PLXNA2: variants seen among roughly 807,000 people sequenced by gnomAD.
PLXNA2 encodes plexin A2, also known as plexin-A2.
In PLXNA2, 91 loss-of-function variants were observed where a neutral mutation model predicts 193.5. The observed-to-expected ratio is 0.47, with a 90% CI of 0.40 to 0.56. The LOEUF (loss-of-function observed/expected upper bound fraction) is 0.56. Ranked by LOEUF, PLXNA2 falls within the 20% of genes least tolerant of loss-of-function variation. The probability of loss-of-function intolerance (pLI) is 0.00; values close to 1 mark genes in which losing one functional copy is unlikely to be tolerated. For synonymous variants in PLXNA2, 997 were observed against 1,027.3 expected, an observed-to-expected ratio of 0.97 and a Z score of 0.56; for missense variants, 1,995 against 2,503.2, an observed-to-expected ratio of 0.80 and a Z score of 4.33.
intron 3 of PLXNA2, among the ~76,000 whole-genome samples, chr1:208,201,973 A>ATTTTTTTT (rs59313982): frequency 7.5e-6 from 1 of 132,626 alleles, no homozygotes. Context: ...CAGGGCAAGA[A>ATTTTTTTT]TTTTTTTTTT....
chr1:208,234,729 G>T (rs1038564056), intron 1 of PLXNA2, among the ~76,000 whole-genome samples: 1 of 152,164 alleles, frequency 6.6e-6, no homozygotes, highest in Non-Finnish European at 1.5e-5. Context: ...CAAAACCAAG[G>T]AAGAGAGAGA....
rs756461059 is a variant in PLXNA2 at position 208,028,099 on chromosome 1, G to T, written c.5499C>A (p.Leu1833=). Residue 1833 remains leucine (L), a synonymous_variant, in exon 31 of 32, where the codon CTC becomes CTA. Transcript: ENST00000367033. This position sits in a 1 kb window ranked among gnomAD's most constrained non-coding sequence, Gnocchi z 4.2. ...CGGCGTGCAGGCGGGACTGCTCGGC[G>T]AGGTAGGCATTCATGTCCTGGTCAC... ...AISDQDMNAY[L]AEQSRLHAVE... 6.2e-6 allele frequency: 10 copies of T among 1,613,524 alleles called. No individual in the cohort carries two copies. Among genetic ancestry groups the T allele is most frequent in the Non-Finnish European group, 8.5e-6 (10 of 1,179,742 alleles).
Position 208,103,174 on chromosome 1 carries a change from T to C in PLXNA2, c.1580A>G (p.His527Arg). 1.2e-6 allele frequency: 2 copies of C among 1,614,102 alleles called. No homozygotes were observed. Among genetic ancestry groups the C allele is most frequent in the Non-Finnish European group, 1.7e-6 (2 of 1,179,948 alleles). Residue 527 changes from histidine (H) to arginine (R), a missense_variant, in exon 5 of 32, where the codon CAC (histidine) becomes CGC (arginine). By Grantham distance (29) the His-to-Arg change is conservative. This residue lies in a region of PLXNA2 where 702 missense variants were observed against 812.9 expected (regional missense o/e 0.86). Transcript: ENST00000367033. ...CGECLSSGDP[H>R]CGWCALHNMC... The stretch of plus-strand genomic sequence containing the variant: ...GTTGTGCAGGGCACACCAGCCACAG[T>C]GAGGGTCCCCAGAGCTCAGGCACTC...
intron 1 of PLXNA2, among the ~76,000 whole-genome samples, chr1:208,231,481 C>T (rs1201143484): frequency 3.9e-5 from 6 of 152,102 alleles, no homozygotes; most frequent in African/African-American, 9.7e-5. Flanking sequence ...TGCCTGGTCA[C>T]CCGCCCTCCC....
intron 12 of PLXNA2, among the ~76,000 whole-genome samples, chr1:208,077,475 T>C (rs569095983): frequency 1.6e-4 from 24 of 152,232 alleles, no homozygotes; most frequent in African/African-American, 5.5e-4. Flanking sequence ...GGGGAGTGGA[T>C]GGTGCAGCTG....
chr1:208,185,696 C>CAAAAAAAAAAAAAAAAAAAA (rs56384277), intron 3 of PLXNA2, among the ~76,000 whole-genome samples: 109 of 57,146 alleles, frequency 1.9e-3, no homozygotes, highest in East Asian at 3.6e-3. Context: ...TCTCTGAAAG[C>CAAAAAAAAAAAAAAAAAAAA]AAAAAAAAAA....
At chr1:208,168,724 G>GTTTTTTTTTTTT (rs10668701) in intron 3 of PLXNA2, among the ~76,000 whole-genome samples, 10 of 73,194 alleles carry the variant, frequency 1.4e-4, no homozygotes, top group Non-Finnish European at 2.3e-4. Flanking sequence ...AGTATGCGGG[G>GTTTTTTTTTTTT]TTTTTTTTTT....
chr1:208,187,885 C>T (rs940569356), intron 3 of PLXNA2, among the ~76,000 whole-genome samples: 3 of 152,170 alleles, frequency 2.0e-5, no homozygotes, highest in Admixed American at 6.5e-5. Context: ...TGCTTTCACA[C>T]GTATCATCTC....
rs183912755 is a variant in PLXNA2, at chr1:208,224,696, T to C, written c.-80-6694A>G. 6.2e-4 allele frequency among the ~76,000 whole-genome samples: 94 copies of C among 151,670 alleles called. 2 individuals carry two copies. Among genetic ancestry groups the C allele is most frequent in the African/African-American group, 1.6e-3 (65 of 41,292 alleles). On this transcript the variant is annotated intron_variant, in intron 1 of 31. Transcript: ENST00000367033. Reference sequence around the variant, plus strand: ...GAAGTGGCTATACCTTGCCCCAGAGTGAAGAAGGAAGGTGAGAGGAGAGAG... The same window carrying C: ...GAAGTGGCTATACCTTGCCCCAGAGCGAAGAAGGAAGGTGAGAGGAGAGAG...
At chr1:208,097,015 A>C in intron 6 of PLXNA2, 132 bp from the exon 7 acceptor site, 1 of 730,916 alleles carries the variant, frequency 1.4e-6, no homozygotes, top group Non-Finnish European at 2.2e-6. Flanking sequence ...ATGTTGGTCT[A>C]AGTGGTCTTC....
chr1:208,049,367 A>C (rs1203049866), intron 17 of PLXNA2, among the ~76,000 whole-genome samples: 2 of 145,476 alleles, frequency 1.4e-5, no homozygotes, highest in Admixed American at 7.0e-5. Flanking sequence ...CCCATACCTC[A>C]CCCTAGACTC....
At position 208,108,590 on chromosome 1, in the gene PLXNA2, G is replaced by A. The variant is rs116333820; in HGVS notation, c.1507-5343C>T. On this transcript the variant is annotated intron_variant, in intron 4 of 31. Coordinates refer to ENST00000367033, the MANE Select transcript of PLXNA2 (RefSeq NM_025179.4). The stretch of plus-strand genomic sequence containing the variant: ...TCTTCTATGGCTCTTCTGGAGAAAC[G>A]CCTGAGGTGAAAGCAGAAAACCTCA... 5.7e-3 allele frequency among the ~76,000 whole-genome samples: 867 copies of A among 152,298 alleles called. 9 individuals carry two copies. The highest frequency in any genetic ancestry group is 0.02 in the African/African-American group (818 of 41,544).
chr1:208,138,623 G>A (rs539730195), intron 4 of PLXNA2, among the ~76,000 whole-genome samples: 4 of 152,368 alleles, frequency 2.6e-5, no homozygotes, highest in South Asian at 2.1e-4. Flanking sequence ...AGTGGCGCAC[G>A]CTTGTAATCC....
At chr1:208,069,565 C>T (rs1483383010) in intron 12 of PLXNA2, among the ~76,000 whole-genome samples, 3 of 152,146 alleles carry the variant, frequency 2.0e-5, no homozygotes, top group Middle Eastern at 3.2e-3. Flanking sequence ...ACTGGGGAGG[C>T]GCTGGAAGGC....
chr1:208,031,532 C>T (rs1664502778), intron 29 of PLXNA2, 58 bp downstream of exon 29: 15 of 1,590,806 alleles, frequency 9.4e-6, no homozygotes, highest in Admixed American at 3.3e-5. Context: ...GGTCCTCATC[C>T]CTCTTAGCTC....
In PLXNA2 at chr1:208,216,716, G is replaced by A. The variant is rs1367950004; in HGVS notation, c.1188+19C>T. 19 of 1,601,268 alleles carry A rather than the reference G, an allele frequency of 1.2e-5. No individual in the cohort carries two copies. The highest frequency in any genetic ancestry group is 2.2e-5 in the East Asian group (1 of 44,856). ...CTGTGTCATGGAGCAGGAGCAGAGC[G>A]AGGTGTGTGCCTCCTTACCGCCTTG... On this transcript the variant is annotated intron_variant, in intron 2 of 31. Transcript: ENST00000367033.
chr1:208,097,675 C>T (rs1267684555), intron 6 of PLXNA2, among the ~76,000 whole-genome samples: 1 of 152,152 alleles, frequency 6.6e-6, no homozygotes, highest in Non-Finnish European at 1.5e-5. Flanking sequence ...AAATGCTGCT[C>T]TAAATCCATT....
chr1:208,189,510 G>GA (rs533048081), intron 3 of PLXNA2, among the ~76,000 whole-genome samples: 56,525 of 141,844 alleles, frequency 0.4, 10,886 homozygotes, highest in Middle Eastern at 0.43. Flanking sequence ...GAGATAAAGA[G>GA]AAAAAAAAAA....
intron 4 of PLXNA2, among the ~76,000 whole-genome samples, chr1:208,122,654 A>G (rs1047294996): frequency 6.6e-6 from 1 of 152,198 alleles, no homozygotes; most frequent in Non-Finnish European, 1.5e-5. Context: ...TGGTGAGATC[A>G]GTAGGAAAAT....
Sources: allele counts gnomAD v4.1 joint callset (sites outside exome capture counted in the v4.1 genomes callset), GRCh38; gene constraint gnomAD v4.1.1; regional missense constraint gnomAD v4.1.1; non-coding constraint Gnocchi (gnomAD v3.1); transcripts MANE v1.5; gene names NCBI Gene and HGNC (gene_info 2026-07-23, HGNC 2026-07-21).